The following DKK2 variants were observed in gnomAD, a reference collection of about 807,000 sequenced individuals.
The protein encoded by DKK2 is dickkopf Wnt signaling pathway inhibitor 2.
In DKK2, 11 loss-of-function variants were observed where a neutral mutation model predicts 28.1. That is an observed-to-expected ratio of 0.39 (90% CI 0.25 to 0.65). The LOEUF is 0.65. DKK2 is among the 30% of genes least tolerant of loss of function. The probability of loss-of-function intolerance (pLI) is 0.47; values close to 1 mark genes in which losing one functional copy is unlikely to be tolerated. For missense variants in DKK2, 326 were observed against 335.5 expected, an observed-to-expected ratio of 0.97 and a Z score of 0.22; for synonymous variants, 135 against 126.5, an observed-to-expected ratio of 1.07 and a Z score of -0.45.
chr4:106,958,533 G>C (rs1722636330), intron 1 of DKK2, among the ~76,000 whole-genome samples: 1 of 151,994 alleles, frequency 6.6e-6, no homozygotes, highest in Admixed American at 6.6e-5. Context: ...GATATAGTTA[G>C]TAAAATCTAT....
chr4:106,939,721 A>T (rs2110343177), intron 1 of DKK2, among the ~76,000 whole-genome samples: 1 of 152,356 alleles, frequency 6.6e-6, no homozygotes, highest in Middle Eastern at 3.4e-3. Context: ...CTACAAGGCT[A>T]CAGTAACCAA....
chr4:107,033,174 C>T (rs1384962201), intron 1 of DKK2, among the ~76,000 whole-genome samples: 1 of 152,128 alleles, frequency 6.6e-6, no homozygotes, highest in East Asian at 1.9e-4. Context: ...TTTTGTTTTA[C>T]CTTCATCTTG....
intron 1 of DKK2, among the ~76,000 whole-genome samples, chr4:107,031,826 T>G (rs1204075506): frequency 1.3e-5 from 2 of 152,004 alleles, no homozygotes; most frequent in Non-Finnish European, 2.9e-5. Flanking sequence ...AAGCTTGATT[T>G]TTTTAGTAGT....
chr4:106,993,082 ACT>A (rs954849449), intron 1 of DKK2, among the ~76,000 whole-genome samples: 78 of 152,254 alleles, frequency 5.1e-4, no homozygotes, highest in African/African-American at 1.8e-3. Context: ...ATTCATTTCT[ACT>A]CTTCTCAAAG....
At chr4:106,933,961 TG>T (rs1653851356) in intron 1 of DKK2, among the ~76,000 whole-genome samples, 1 of 109,918 alleles carries the variant, frequency 9.1e-6, no homozygotes, top group African/African-American at 3.6e-5. Context: ...TTCCTGTAAA[TG>T]TGTGTGTGTG....
intron 1 of DKK2, among the ~76,000 whole-genome samples, chr4:107,021,384 A>G (rs1374341025): frequency 6.6e-6 from 1 of 152,128 alleles, no homozygotes. Context: ...AGAACGTTCT[A>G]CATAAAAATA....
chr4:106,943,435 C>T (rs1199218272), intron 1 of DKK2, among the ~76,000 whole-genome samples: 1 of 151,906 alleles, frequency 6.6e-6, no homozygotes, highest in African/African-American at 2.4e-5. Flanking sequence ...CAAAAATACT[C>T]AATTAAGAAC....
At position 107,035,674 on chromosome 4, in the gene DKK2, C is replaced by T. The variant is rs957272600; in HGVS notation, c.-83G>A. 6.8e-7 allele frequency: 1 copy of T among 1,477,492 alleles called. No individual in the cohort carries two copies. Among genetic ancestry groups the T allele is most frequent in the African/African-American group, 1.4e-5 (1 of 72,264 alleles). The allele number at this position is 1,477,492 out of a possible 1,614,324, so 91.5% of individuals were successfully genotyped here. On this transcript the variant is annotated 5_prime_UTR_variant, in exon 1 of 4. Transcript: ENST00000285311. The stretch of plus-strand genomic sequence containing the variant: ...GGAGGGAGGACCCCAACACGGGGCC[C>T]CTCACTTGGGTCGCGGGGGCTTGCA...
At position 107,030,494 on chromosome 4, in the gene DKK2, A is replaced by C. The variant is rs1723860590; in HGVS notation, c.222+4876T>G. On this transcript the variant is annotated intron_variant, in intron 1 of 3. Transcript: ENST00000285311. The stretch of plus-strand genomic sequence containing the variant: ...AAAAAAAGGACGTAGTAAGGGGCTC[A>C]GGCAGACACAAATATCACATAAACC... Among the ~76,000 whole-genome samples the C allele has an allele frequency of 3.3e-5, 5 of 152,156 alleles. 1 individual carries two copies. In the South Asian group the frequency reaches 1.0e-3, roughly 31 times the overall value.
At chr4:107,009,167 G>T (rs1723480768) in intron 1 of DKK2, among the ~76,000 whole-genome samples, 1 of 151,696 alleles carries the variant, frequency 6.6e-6, no homozygotes, top group African/African-American at 2.4e-5. Context: ...TAAAGGATCA[G>T]TTCAAAGGTA....
At position 107,035,749 on chromosome 4, in the gene DKK2, A is replaced by C; in HGVS notation, c.-158T>G. 3.0e-6 allele frequency: 2 copies of C among 664,444 alleles called. No homozygotes were observed. The highest frequency in any genetic ancestry group is 1.8e-5 in the African/African-American group (1 of 55,348). The allele number at this position is 664,444 out of a possible 1,614,324, so 41.2% of individuals were successfully genotyped here. A position where few individuals can be genotyped will look rare whatever the true frequency, so the allele number is the denominator to read the frequency against. On this transcript the variant is annotated 5_prime_UTR_variant, in exon 1 of 4. Coordinates refer to ENST00000285311, the MANE Select transcript of DKK2 (RefSeq NM_014421.3). ...GGTTCGGGGACCCAGGACCCTATGA[A>C]CTCAGTCTCACGCCTCAGGACAGAA...
At chr4:106,964,837 C>A (rs186608892) in intron 1 of DKK2, among the ~76,000 whole-genome samples, 1 of 152,050 alleles carries the variant, frequency 6.6e-6, no homozygotes, top group East Asian at 1.9e-4. Flanking sequence ...TCTGAATTTC[C>A]AGCCTAAGGA....
At chr4:106,965,495 T>C (rs1334552095) in intron 1 of DKK2, among the ~76,000 whole-genome samples, 1 of 152,186 alleles carries the variant, frequency 6.6e-6, no homozygotes, top group Non-Finnish European at 1.5e-5. Flanking sequence ...TCCCTTGTTT[T>C]TTATATTTAT....
chr4:106,978,087 T>C lies in DKK2; in HGVS notation c.223-52138A>G, dbSNP rs2110356842. ...AGCAGAGGCTGCAGAACAGCAAAGA[T>C]TGCTGCCTGTTCCTTCCTTTGGAAG... On this transcript the variant is annotated intron_variant, in intron 1 of 3. Coordinates refer to ENST00000285311, the MANE Select transcript of DKK2 (RefSeq NM_014421.3). Among the ~76,000 whole-genome samples the C allele has an allele frequency of 2.6e-5, 4 of 152,332 alleles. No individual in the cohort carries two copies. The South Asian group carries it at 8.3e-4, about 32-fold the overall frequency.
intron 1 of DKK2, among the ~76,000 whole-genome samples, chr4:106,978,540 G>T (rs935830429): frequency 6.6e-6 from 1 of 152,096 alleles, no homozygotes; most frequent in African/African-American, 2.4e-5. Flanking sequence ...GTTTGCACTG[G>T]AAGGGGAAAA....
chr4:106,972,103 G>A (rs2110354524), intron 1 of DKK2, among the ~76,000 whole-genome samples: 1 of 152,066 alleles, frequency 6.6e-6, no homozygotes, highest in East Asian at 1.9e-4. Flanking sequence ...ACTTTTTTCA[G>A]TGCAACCTAT....
chr4:106,989,677 A>T (rs1437975131), intron 1 of DKK2, among the ~76,000 whole-genome samples: 3 of 152,160 alleles, frequency 2.0e-5, no homozygotes, highest in African/African-American at 7.2e-5. Flanking sequence ...TTTCTCTTTA[A>T]AAATAGCGTT....
chr4:106,993,148 T>C (rs1254204365), intron 1 of DKK2, among the ~76,000 whole-genome samples: 1 of 152,266 alleles, frequency 6.6e-6, no homozygotes, highest in Non-Finnish European at 1.5e-5. Flanking sequence ...AAATAACTGT[T>C]CAGAGCATAA....
At chr4:106,998,146 C>G (rs1198011310) in intron 1 of DKK2, among the ~76,000 whole-genome samples, 1 of 152,156 alleles carries the variant, frequency 6.6e-6, no homozygotes, top group African/African-American at 2.4e-5. Context: ...TTGAAATATC[C>G]AAGCAAAGGG....
Sources: allele counts gnomAD v4.1 joint callset (sites outside exome capture counted in the v4.1 genomes callset), GRCh38; gene constraint gnomAD v4.1.1; transcripts MANE v1.5; gene names NCBI Gene and HGNC (gene_info 2026-07-23, HGNC 2026-07-21).